CACNA1I: variants seen among roughly 807,000 people sequenced by gnomAD.
CACNA1I encodes calcium voltage-gated channel subunit alpha1 I, also known as voltage-dependent T-type calcium channel subunit alpha-1I.
In CACNA1I, 74 loss-of-function variants were observed where a neutral mutation model predicts 201.6. The ratio of observed to expected loss-of-function variants is 0.37; its 90% CI spans 0.30 to 0.45. CACNA1I has a LOEUF of 0.45. Among genes scored for constraint, CACNA1I ranks in the 20% least tolerant of loss-of-function variants. The pLI, the probability that CACNA1I is intolerant of heterozygous loss-of-function variation, is 1.00. For missense variants in CACNA1I, 2,346 were observed against 3,138.1 expected (o/e 0.75, Z 6.03); for synonymous variants, 1,431 against 1,345.2 (o/e 1.06, Z -1.40).
At chr22:39,586,290 G>C (rs988144492) in intron 1 of CACNA1I, among the ~76,000 whole-genome samples, 1 of 152,104 alleles carries the variant, frequency 6.6e-6, no homozygotes, top group Non-Finnish European at 1.5e-5. Context: ...AGGAGTTCCA[G>C]ACCAGCCTGG....
chr22:39,668,418 G>A (rs773418903), intron 24 of CACNA1I, 37 bp downstream of exon 24: 2 of 1,386,366 alleles, frequency 1.4e-6, no homozygotes, highest in Non-Finnish European at 2.1e-6. Flanking sequence ...CCTTGATGCA[G>A]GGAGGAACAT....
chr22:39,582,943 TCCAACTATCCATCCATCC>T, intron 1 of CACNA1I, among the ~76,000 whole-genome samples: 1 of 131,894 alleles, frequency 7.6e-6, no homozygotes, highest in East Asian at 3.6e-4. Context: ...CATCCAAGCA[TCCAACTATCCATCCATCC>T]AACAATCCAT....
intron 29 of CACNA1I, 118 bp downstream of exon 29, chr22:39,674,151 G>A (rs889373743): frequency 8.6e-6 from 8 of 928,574 alleles, no homozygotes; most frequent in African/African-American, 8.2e-5. Flanking sequence ...GGCAGATGCT[G>A]TCTCTGGGGA....
chr22:39,670,542 C>T (rs1935340812), intron 25 of CACNA1I, among the ~76,000 whole-genome samples: 2 of 152,206 alleles, frequency 1.3e-5, no homozygotes, highest in Admixed American at 1.3e-4. Flanking sequence ...CAGGCAGGCC[C>T]AGAGCTCCTG....
chr22:39,606,527 C>G (rs922271652), intron 3 of CACNA1I, among the ~76,000 whole-genome samples: 7 of 152,150 alleles, frequency 4.6e-5, no homozygotes, highest in Admixed American at 3.9e-4. Context: ...TTGAACCCAA[C>G]TCTTTTATTT....
At chr22:39,683,395 TC>T (rs1041582203) in intron 35 of CACNA1I, among the ~76,000 whole-genome samples, 30 of 152,084 alleles carry the variant, frequency 2.0e-4, no homozygotes, top group Admixed American at 1.9e-3. Flanking sequence ...GGGGTGACTT[TC>T]CTGGGCACCC....
At chr22:39,611,123 A>G (rs1910497854) in intron 3 of CACNA1I, among the ~76,000 whole-genome samples, 1 of 152,164 alleles carries the variant, frequency 6.6e-6, no homozygotes, top group Admixed American at 6.5e-5. Context: ...CCTGGAGTTC[A>G]CAAGGGCGCC....
Position 39,649,170 on chromosome 22 carries a change from A to T in CACNA1I, c.1568-331A>T, listed in dbSNP as rs933491151. 2.6e-5 allele frequency among the ~76,000 whole-genome samples: 4 copies of T among 152,208 alleles called. No individual in the cohort carries two copies. The highest frequency in any genetic ancestry group is 9.6e-5 in the African/African-American group (4 of 41,466). On this transcript the variant is annotated intron_variant, in intron 9 of 36. Coordinates refer to ENST00000402142, the MANE Select transcript of CACNA1I (RefSeq NM_021096.4). This position sits in a 1 kb window ranked among gnomAD's most constrained non-coding sequence, Gnocchi z 7.3. Reference sequence around the variant, plus strand: ...ACGACTGGGGCTCTGGGTCTGTTCCATGCTGACCCAGGGCCTAGGCCAGGA... The same window carrying T: ...ACGACTGGGGCTCTGGGTCTGTTCCTTGCTGACCCAGGGCCTAGGCCAGGA...
intron 4 of CACNA1I, among the ~76,000 whole-genome samples, chr22:39,628,566 T>C (rs1933961735): frequency 6.6e-6 from 1 of 152,034 alleles, no homozygotes; most frequent in Non-Finnish European, 1.5e-5. Context: ...TGAGGTTGGC[T>C]TCCTTTCTCA....
rs764182340 is a variant in CACNA1I at position 39,679,199 on chromosome 22, C to A, written c.5148C>A (p.Thr1716=). 1 of 1,591,582 alleles carries A rather than the reference C, an allele frequency of 6.3e-7. No homozygotes were observed. Among genetic ancestry groups the A allele is most frequent in the Non-Finnish European group, 8.5e-7 (1 of 1,170,076 alleles). ...SPLYFVSFVL[T]AQFVLINVVV... ...TGTACTTCGTGAGCTTCGTGCTCAC[C>A]GCGCAGTTCGTGCTCATCAACGTGG... Residue 1716 remains threonine (T), a synonymous_variant, in exon 32 of 37, where the codon ACC becomes ACA. Coordinates refer to ENST00000402142, the MANE Select transcript of CACNA1I (RefSeq NM_021096.4).
chr22:39,681,759 C>A (rs1023127940), intron 34 of CACNA1I, among the ~76,000 whole-genome samples: 34 of 152,128 alleles, frequency 2.2e-4, no homozygotes, highest in Admixed American at 2.1e-3. Context: ...TGGGGGATAC[C>A]CTGGGCTTGG....
At position 39,662,167 on chromosome 22, in the gene CACNA1I, C is replaced by G. The variant is rs1240203981; in HGVS notation, c.3104C>G (p.Pro1035Arg). ...GPPRAAPLHT[P>R]HAHHIHHGPH... is the part of the protein sequence containing the mutation. ...CCGCGGGCCGCACCCCTGCACACCC[C>G]ACACGCCCACCACATTCATCACGGG... is the stretch of plus-strand genomic sequence containing the variant. The change falls in exon 17 of 37, where the codon CCA becomes CGA. Residue 1035 changes from proline (P) to arginine (R), a missense_variant. Transcript: ENST00000402142. 6.5e-7 allele frequency: 1 copy of G among 1,532,068 alleles called. No homozygotes were observed. The highest frequency in any genetic ancestry group is 8.8e-7 in the Non-Finnish European group (1 of 1,142,466). 94.9% of individuals were successfully genotyped at this position (1,532,068 alleles called of 1,614,324 possible). A position where few individuals can be genotyped will look rare whatever the true frequency, so the allele number is the denominator to read the frequency against.
intron 33 of CACNA1I, among the ~76,000 whole-genome samples, 167 bp downstream of exon 33, chr22:39,680,035 G>A (rs929279748): frequency 6.6e-6 from 1 of 152,196 alleles, no homozygotes; most frequent in African/African-American, 2.4e-5. Context: ...CTGAGTCAGG[G>A]CCAGGTGTGG....
At chr22:39,634,814 T>C (rs1934162695) in intron 5 of CACNA1I, 90 bp downstream of exon 5, 1 of 1,326,550 alleles carries the variant, frequency 7.5e-7, no homozygotes, top group East Asian at 2.3e-5. Flanking sequence ...TCAGGACCAA[T>C]GGGGTAGAAG....
intron 1 of CACNA1I, among the ~76,000 whole-genome samples, chr22:39,584,807 A>C (rs1932686367): frequency 6.6e-6 from 1 of 152,194 alleles, no homozygotes; most frequent in Non-Finnish European, 1.5e-5. Context: ...TGGTATTATT[A>C]GCAACTTCTG....
At chr22:39,622,858 T>C (rs1933788138) in intron 4 of CACNA1I, among the ~76,000 whole-genome samples, 1 of 151,284 alleles carries the variant, frequency 6.6e-6, no homozygotes, top group African/African-American at 2.4e-5. Context: ...CAGTGCTGCT[T>C]GTTTCTGTCC....
chr22:39,659,479 G>T lies in CACNA1I; in HGVS notation c.2377G>T (p.Asp793Tyr), dbSNP rs1372459195. Residue 793 changes from aspartate (D) to tyrosine (Y), a missense_variant, in exon 13 of 37, where the codon GAC becomes TAC. Physicochemically the swap from Asp to Tyr is radical, Grantham distance 160. This residue lies in a region of CACNA1I where 155 missense variants were observed against 300.8 expected (regional missense o/e 0.52). Transcript: ENST00000402142. The surrounding 1 kb of genome is among the most constrained non-coding windows in gnomAD (Gnocchi z 4.3). ...TGGCTGCAAGTTCAGCCTCCGCACG[G>T]ACACTGGAGACACGGTGCCCGACAG... ...IFGCKFSLRT[D>Y]TGDTVPDRKN... The T allele has an allele frequency of 6.3e-7, 1 of 1,580,872 alleles. No individual in the cohort carries two copies. Among genetic ancestry groups the T allele is most frequent in the Admixed American group, 1.8e-5 (1 of 54,628 alleles).
Position 39,664,176 on chromosome 22 carries a change from C to A in CACNA1I, c.3666+17C>A. 6.2e-7 allele frequency: 1 copy of A among 1,605,278 alleles called. No individual in the cohort carries two copies. Among genetic ancestry groups the A allele is most frequent in the Non-Finnish European group, 8.5e-7 (1 of 1,174,062 alleles). ...ACATTGAAGGTAGCTCCCGGTTTCA[C>A]CCGGGACCCCTGCTAGCCCCAGCTC... is the stretch of plus-strand genomic sequence containing the variant. On this transcript the variant is annotated intron_variant, in intron 20 of 36. Coordinates refer to ENST00000402142, the MANE Select transcript of CACNA1I (RefSeq NM_021096.4).
rs567017813 is a variant in CACNA1I, at chr22:39,638,674, CT to C, written c.741-2192del. ...CTTATCTTTTGTCTTTTTTTTCCCC[CT>C]AGTGGGTTATTTTTCCTTTTCCTTA... On this transcript the variant is annotated intron_variant, in intron 5 of 36. Coordinates refer to ENST00000402142, the MANE Select transcript of CACNA1I (RefSeq NM_021096.4). Among the ~76,000 whole-genome samples the C allele has an allele frequency of 4.2e-3, 631 of 151,810 alleles. 6 individuals carry two copies. Among genetic ancestry groups the C allele is most frequent in the African/African-American group, 0.015 (603 of 41,402 alleles).
Sources: gnomAD v4.1 joint callset for allele counts (sites outside exome capture counted in the v4.1 genomes callset) on GRCh38, gnomAD v4.1.1 for gene constraint, gnomAD v4.1.1 regional missense constraint, Gnocchi (gnomAD v3.1) non-coding constraint, MANE v1.5 for transcripts, NCBI Gene and HGNC (gene_info 2026-07-23, HGNC 2026-07-21) for gene names.